The following EYS variants were observed in gnomAD, a reference collection of about 807,000 sequenced individuals.
EYS encodes the protein protein eyes shut homolog.
Under a neutral mutation model 282.1 loss-of-function variants are expected in EYS, and 250 were observed. The ratio of observed to expected loss-of-function variants is 0.89; its 90% CI spans 0.80 to 0.98. The LOEUF is 0.98. EYS is among the 50% of genes least tolerant of loss of function. The probability of loss-of-function intolerance (pLI) is 0.00; values close to 1 mark genes in which losing one functional copy is unlikely to be tolerated. For missense variants in EYS, 4,016 were observed against 3,709.0 expected (o/e 1.08, Z -2.15); for synonymous variants, 1,355 against 1,282.9 (o/e 1.06, Z -1.20).
chr6:65,031,771 A>G (rs1011158683), intron 13 of EYS, among the ~76,000 whole-genome samples: 2 of 152,138 alleles, frequency 1.3e-5, no homozygotes, highest in Non-Finnish European at 2.9e-5. Context: ...GGCTCACATC[A>G]AAGAGTTAGG....
intron 42 of EYS, among the ~76,000 whole-genome samples, chr6:63,725,553 G>A (rs1174656143): frequency 1.3e-5 from 2 of 151,912 alleles, no homozygotes; most frequent in Non-Finnish European, 2.9e-5. Flanking sequence ...ATTTTCACAG[G>A]GAGATTTAAT....
chr6:65,421,657 T>C (rs901213669), intron 5 of EYS, among the ~76,000 whole-genome samples: 2 of 151,942 alleles, frequency 1.3e-5, no homozygotes, highest in African/African-American at 2.4e-5. Context: ...AGCTTCTTTC[T>C]ACAAACATAC....
chr6:65,127,540 T>C (rs935581912), intron 12 of EYS, among the ~76,000 whole-genome samples: 10 of 152,150 alleles, frequency 6.6e-5, no homozygotes, highest in African/African-American at 2.4e-4. Flanking sequence ...AATTATAAAC[T>C]GAAGAACAGA....
chr6:63,751,200 G>A (rs181540410), intron 41 of EYS, among the ~76,000 whole-genome samples: 1 of 152,120 alleles, frequency 6.6e-6, no homozygotes, highest in Admixed American at 6.5e-5. Flanking sequence ...GTCTTTATCT[G>A]TACATACTAT....
chr6:65,430,155 C>T (rs1437136894), intron 5 of EYS, among the ~76,000 whole-genome samples: 1 of 152,082 alleles, frequency 6.6e-6, no homozygotes, highest in Admixed American at 6.6e-5. Context: ...TTCAGGGACA[C>T]AAAGTTAACA....
At chr6:65,089,247 C>A (rs114453909) in intron 12 of EYS, among the ~76,000 whole-genome samples, 1 of 152,124 alleles carries the variant, frequency 6.6e-6, no homozygotes, top group Non-Finnish European at 1.5e-5. Flanking sequence ...ATGACTAGCA[C>A]CTTACACTTG....
chr6:64,417,313 T>C (rs1454835238), intron 28 of EYS, among the ~76,000 whole-genome samples: 2 of 152,136 alleles, frequency 1.3e-5, no homozygotes, highest in African/African-American at 4.8e-5. Context: ...AAATGAGAGA[T>C]TTAAGGTTCT....
intron 33 of EYS, among the ~76,000 whole-genome samples, chr6:64,018,807 C>T (rs1049408721): frequency 1.7e-5 from 2 of 116,348 alleles, no homozygotes; most frequent in Admixed American, 1.1e-4. Context: ...CAGAGTCTCA[C>T]TCTGTTGCCC....
chr6:65,685,802 T>A (rs1768993470), intron 1 of EYS, among the ~76,000 whole-genome samples: 1 of 152,074 alleles, frequency 6.6e-6, no homozygotes, highest in South Asian at 2.1e-4. Flanking sequence ...GTCATTCACA[T>A]TCTAGAAGGT....
intron 11 of EYS, among the ~76,000 whole-genome samples, chr6:65,334,205 T>G (rs1769897081): frequency 6.6e-6 from 1 of 151,832 alleles, no homozygotes; most frequent in South Asian, 2.1e-4. Flanking sequence ...TTCATTGTAA[T>G]TATTCTAATA....
intron 22 of EYS, among the ~76,000 whole-genome samples, chr6:64,799,365 A>C (rs1193795653): frequency 1.3e-5 from 2 of 151,852 alleles, no homozygotes; most frequent in Admixed American, 1.3e-4. Context: ...AATCTCTCAA[A>C]ATATAGTAGG....
chr6:64,385,702 C>T (rs190968999), intron 29 of EYS, among the ~76,000 whole-genome samples: 22 of 152,280 alleles, frequency 1.4e-4, no homozygotes, highest in African/African-American at 5.1e-4. Flanking sequence ...ACCTCTCTGA[C>T]TTATTAACAA....
At chr6:65,015,953 G>C (rs1772033725) in intron 13 of EYS, among the ~76,000 whole-genome samples, 1 of 150,390 alleles carries the variant, frequency 6.6e-6, no homozygotes, top group African/African-American at 2.5e-5. Context: ...GCTGAGGCAG[G>C]AGAATTTCTT....
chr6:65,215,683 C>A (rs2150255277), intron 12 of EYS, among the ~76,000 whole-genome samples: 1 of 152,300 alleles, frequency 6.6e-6, no homozygotes, highest in South Asian at 2.1e-4. Flanking sequence ...ACAGAGAAAT[C>A]TTGTGTAAAA....
chr6:65,036,791 C>T (rs545279963), intron 13 of EYS, among the ~76,000 whole-genome samples: 2 of 151,854 alleles, frequency 1.3e-5, no homozygotes, highest in South Asian at 4.2e-4. Context: ...AATGGCTATC[C>T]TTAAAAGTAA....
At chr6:64,764,610 G>T (rs77889254) in intron 22 of EYS, among the ~76,000 whole-genome samples, 3,940 of 152,284 alleles carry the variant, frequency 0.026, 102 homozygotes, top group Non-Finnish European at 0.035. Context: ...TTAACATTTT[G>T]CCCATCTTTA....
At chr6:65,367,744 T>C (rs907878468) in intron 8 of EYS, among the ~76,000 whole-genome samples, 1 of 151,736 alleles carries the variant, frequency 6.6e-6, no homozygotes, top group East Asian at 1.9e-4. Context: ...GAATTCATTA[T>C]TAGAGGTCTC....
At chr6:65,504,830 G>A (rs1203367387) in intron 2 of EYS, among the ~76,000 whole-genome samples, 1 of 151,500 alleles carries the variant, frequency 6.6e-6, no homozygotes, top group African/African-American at 2.4e-5. Flanking sequence ...TGTTGAGAAT[G>A]TTGTGTCTAT....
At chr6:64,986,686 A>G (rs1411418096) in intron 14 of EYS, among the ~76,000 whole-genome samples, 3 of 150,836 alleles carry the variant, frequency 2.0e-5, no homozygotes, top group African/African-American at 7.3e-5. Flanking sequence ...AGACTAATAC[A>G]CAGTAAAGTT....
Sources: allele counts gnomAD v4.1 joint callset (sites outside exome capture counted in the v4.1 genomes callset), GRCh38; gene constraint gnomAD v4.1.1; transcripts MANE v1.5; gene names NCBI Gene and HGNC (gene_info 2026-07-23, HGNC 2026-07-21).